The following LY6S variants were observed in gnomAD, a reference collection of about 807,000 sequenced individuals.
LY6S encodes lymphocyte antigen 6S.
chr8:143,043,246 A>T, the LY6S span: 1 of 1,365,450 alleles, frequency 7.3e-7, no homozygotes, highest in Non-Finnish European at 9.8e-7. Flanking sequence ...GAGATCTGGG[A>T]GTCCACAACG....
At chr8:143,043,335 T>C in the LY6S span, 1 of 1,040,700 alleles carries the variant, frequency 9.6e-7, no homozygotes, top group Non-Finnish European at 1.3e-6. Flanking sequence ...CCCTCTCACT[T>C]TACCTGCGAG....
chr8:143,055,782 G>A, the LY6S span, among the ~76,000 whole-genome samples: 5 of 152,264 alleles, frequency 3.3e-5, no homozygotes, highest in African/African-American at 1.2e-4. Flanking sequence ...AGACCACACA[G>A]CACATCAGCA....
the LY6S span, among the ~76,000 whole-genome samples, chr8:143,068,240 T>C: frequency 2.6e-5 from 4 of 152,298 alleles, no homozygotes; most frequent in East Asian, 1.9e-4. Context: ...TGCCAACAAA[T>C]TGTTAACAAG....
chr8:143,068,405 C>G, the LY6S span, among the ~76,000 whole-genome samples: 1 of 152,148 alleles, frequency 6.6e-6, no homozygotes, highest in African/African-American at 2.4e-5. Flanking sequence ...CTTATGTCTT[C>G]CTTTTCTATG....
chr8:143,058,633 C>T, the LY6S span, among the ~76,000 whole-genome samples: 3,139 of 145,626 alleles, frequency 0.022, 94 homozygotes, highest in African/African-American at 0.075. Flanking sequence ...AACTGCGGGC[C>T]GGTCTGACTA....
chr8:143,054,694 GCTA>G, the LY6S span, among the ~76,000 whole-genome samples: 1 of 152,058 alleles, frequency 6.6e-6, no homozygotes, highest in Non-Finnish European at 1.5e-5. Flanking sequence ...CTCCACACTG[GCTA>G]CTACGTCTCC....
the LY6S span, among the ~76,000 whole-genome samples, chr8:143,076,144 G>A: frequency 6.6e-6 from 1 of 152,204 alleles, no homozygotes; most frequent in Non-Finnish European, 1.5e-5. Context: ...CAGAAGGATT[G>A]TGCGCCGGGG....
the LY6S span, chr8:143,054,094 C>T: frequency 2.6e-4 from 39 of 152,208 alleles, no homozygotes; most frequent in African/African-American, 9.2e-4. Context: ...ATCACAAAGT[C>T]GGGAGATCAA....
the LY6S span, among the ~76,000 whole-genome samples, chr8:143,074,525 T>G: frequency 6.6e-6 from 1 of 152,152 alleles, no homozygotes; most frequent in Non-Finnish European, 1.5e-5. Context: ...AAACACTTAT[T>G]TTTATTATTT....
At chr8:143,072,850 G>A in the LY6S span, among the ~76,000 whole-genome samples, 30 of 89,418 alleles carry the variant, frequency 3.4e-4, no homozygotes, top group East Asian at 2.2e-3. Flanking sequence ...GACAGCCGTC[G>A]TCCTCGTGGT....
the LY6S span, among the ~76,000 whole-genome samples, chr8:143,072,348 G>C: frequency 6.9e-6 from 1 of 145,658 alleles, no homozygotes; most frequent in Non-Finnish European, 1.5e-5. Flanking sequence ...TCGTCCTCGG[G>C]GTTCCTGTTT....
chr8:143,052,241 A>G, the LY6S span, among the ~76,000 whole-genome samples: 2 of 152,138 alleles, frequency 1.3e-5, no homozygotes, highest in South Asian at 4.1e-4. Context: ...AGATCGCACC[A>G]CTGCACTCCA....
At chr8:143,053,060 G>T in the LY6S span, among the ~76,000 whole-genome samples, 1 of 152,096 alleles carries the variant, frequency 6.6e-6, no homozygotes, top group Non-Finnish European at 1.5e-5. Flanking sequence ...TGGAGACTGG[G>T]TCCTATTAAA....
the LY6S span, among the ~76,000 whole-genome samples, chr8:143,060,520 G>A: frequency 6.6e-6 from 1 of 152,096 alleles, no homozygotes; most frequent in East Asian, 1.9e-4. Flanking sequence ...TCTCCGCCTC[G>A]GCTACCAAAT....
chr8:143,048,861 T>C, the LY6S span, among the ~76,000 whole-genome samples: 1 of 152,182 alleles, frequency 6.6e-6, no homozygotes, highest in Admixed American at 6.5e-5. Flanking sequence ...CAACTGGCGT[T>C]CTTTGCTGAA....
chr8:143,061,161 C>A, the LY6S span, among the ~76,000 whole-genome samples: 5 of 151,968 alleles, frequency 3.3e-5, no homozygotes, highest in Admixed American at 3.3e-4. Context: ...CATGGTGGCT[C>A]ACGTCTGTAA....
chr8:143,069,785 C>T, the LY6S span, among the ~76,000 whole-genome samples: 1 of 152,212 alleles, frequency 6.6e-6, no homozygotes, highest in South Asian at 2.1e-4. Context: ...CCGGCCCCTG[C>T]TCTTGTTAAT....
chr8:143,072,788 G>A, the LY6S span, among the ~76,000 whole-genome samples: 2 of 140,590 alleles, frequency 1.4e-5, no homozygotes, highest in African/African-American at 2.7e-5. Flanking sequence ...CGTCGTCCCC[G>A]GGGTCCCTGT....
the LY6S span, chr8:143,054,267 GCACTCCAGCCTGGGGGACAGAGCTA>G: frequency 7.8e-6 from 1 of 128,554 alleles, no homozygotes; most frequent in African/African-American, 2.9e-5. Flanking sequence ...TGGTGCCACT[GCACTCCAGCCTGGGGGACAGAGCTA>G]CACTCCATCC....
Sources: allele counts gnomAD v4.1 joint callset (sites outside exome capture counted in the v4.1 genomes callset), GRCh38; gene constraint gnomAD v4.1.1; transcripts MANE v1.5; gene names NCBI Gene and HGNC (gene_info 2026-07-23, HGNC 2026-07-21).